Variants in PIGU observed in about 807,000 individuals in gnomAD.
The protein encoded by PIGU is GPI-anchor transamidase component PIGU.
In PIGU, 24 loss-of-function variants were observed where a neutral mutation model predicts 49.9. The observed-to-expected ratio is 0.48, with a 90% CI of 0.35 to 0.68. The LOEUF is 0.68. Ranked by LOEUF, PIGU falls within the 30% of genes least tolerant of loss-of-function variation. The pLI is 0.01. For missense variants in PIGU, 490 were observed against 532.6 expected (o/e 0.92, Z 0.79); for synonymous variants, 220 against 205.7 (o/e 1.07, Z -0.59).
At chr20:34,589,372 T>G (rs1336680267) in intron 7 of PIGU, among the ~76,000 whole-genome samples, 1 of 152,248 alleles carries the variant, frequency 6.6e-6, no homozygotes, top group Non-Finnish European at 1.5e-5. Context: ...TTCCTTTGTT[T>G]GAGACAGAGT....
intron 2 of PIGU, among the ~76,000 whole-genome samples, chr20:34,652,183 G>C (rs1312811119): frequency 6.6e-6 from 1 of 151,904 alleles, no homozygotes; most frequent in Non-Finnish European, 1.5e-5. Flanking sequence ...TTTCCCCCTG[G>C]GGGGAGAAAC....
intron 8 of PIGU, 83 bp downstream of exon 8, chr20:34,588,370 C>A: frequency 8.3e-7 from 1 of 1,211,826 alleles, no homozygotes. Flanking sequence ...AATGGCTGTA[C>A]TAATTTACAT....
chr20:34,634,684 A>G lies in PIGU; in HGVS notation c.460T>C (p.Cys154Arg), dbSNP rs929255270. Residue 154 changes from cysteine to arginine, a missense_variant, in exon 6 of 12, where the codon TGT becomes CGT. By Grantham distance (180) the Cys-to-Arg change is radical. Coordinates refer to ENST00000217446, the MANE Select transcript of PIGU (RefSeq NM_080476.5). The part of the protein sequence containing the change: ...YLLNPYTILS[C>R]VAKSTCAINN... ...ATGGCACAGGTAGACTTGGCAACAC[A>G]AGACAAAATCGTGTAAGGATTTAAG... The G allele has an allele frequency of 1.2e-6, 2 of 1,612,974 alleles. No individual in the cohort carries two copies. Among genetic ancestry groups the G allele is most frequent in the South Asian group, 1.1e-5 (1 of 91,076 alleles).
chr20:34,660,550 A>G (rs1361958991), intron 1 of PIGU, among the ~76,000 whole-genome samples: 1 of 152,184 alleles, frequency 6.6e-6, no homozygotes, highest in Non-Finnish European at 1.5e-5. Context: ...GTGCCACTGC[A>G]CTCCAGCCTG....
At chr20:34,634,844 C>T (rs1008920377) in intron 5 of PIGU, 129 bp from the exon 6 acceptor site, 12 of 1,414,924 alleles carry the variant, frequency 8.5e-6, no homozygotes, top group Non-Finnish European at 1.0e-5. Context: ...AAATGAGTTC[C>T]CCCAAATAAA....
intron 7 of PIGU, among the ~76,000 whole-genome samples, chr20:34,605,982 G>T (rs949417994): frequency 6.6e-6 from 1 of 151,982 alleles, no homozygotes; most frequent in African/African-American, 2.4e-5. Flanking sequence ...CCCAGCCGGC[G>T]CAGTGGCTCA....
intron 9 of PIGU, among the ~76,000 whole-genome samples, chr20:34,583,858 C>A (rs1983585395): frequency 6.6e-6 from 1 of 152,222 alleles, no homozygotes; most frequent in East Asian, 1.9e-4. Context: ...AGAATGGGAA[C>A]CACGTGCATT....
intron 2 of PIGU, among the ~76,000 whole-genome samples, chr20:34,651,062 T>C (rs1986528393): frequency 6.6e-6 from 1 of 152,162 alleles, no homozygotes. Context: ...TATGACAAAC[T>C]ACAGCAGCTT....
intron 7 of PIGU, among the ~76,000 whole-genome samples, chr20:34,607,836 A>C (rs2146733213): frequency 6.6e-6 from 1 of 152,234 alleles, no homozygotes. Context: ...GACTGGTCTT[A>C]AACTCCTGGG....
intron 6 of PIGU, among the ~76,000 whole-genome samples, chr20:34,619,388 A>C (rs2146744452): frequency 6.6e-6 from 1 of 152,348 alleles, no homozygotes; most frequent in Middle Eastern, 3.4e-3. Context: ...AGGGTGGGCT[A>C]GGGATTGATT....
intron 11 of PIGU, among the ~76,000 whole-genome samples, chr20:34,573,384 A>G (rs1983092106): frequency 6.6e-6 from 1 of 152,150 alleles, no homozygotes; most frequent in African/African-American, 2.4e-5. Context: ...TCCTGCCTTC[A>G]ATGGCACCTG....
chr20:34,617,534 G>A (rs1279515614), intron 6 of PIGU, among the ~76,000 whole-genome samples: 1 of 152,208 alleles, frequency 6.6e-6, no homozygotes, highest in Admixed American at 6.5e-5. Context: ...ATTTGTAACG[G>A]ATGTATTTAC....
chr20:34,560,995 G>C lies in PIGU; in HGVS notation c.1195-16C>G. On this transcript the variant is annotated splice_polypyrimidine_tract_variant and intron_variant, in intron 11 of 11. Transcript: ENST00000217446. The stretch of plus-strand genomic sequence containing the variant: ...TGAGCAGGATCTGGGGGGAGAGAGA[G>C]GGTGTGAGGCGCTGCTGGGTACCTC... 6.4e-7 allele frequency: 1 copy of C among 1,561,332 alleles called. No homozygotes were observed. The highest frequency in any genetic ancestry group is 8.8e-7 in the Non-Finnish European group (1 of 1,134,668).
At chr20:34,619,134 T>C (rs1282493798) in intron 6 of PIGU, among the ~76,000 whole-genome samples, 1 of 152,108 alleles carries the variant, frequency 6.6e-6, no homozygotes, top group African/African-American at 2.4e-5. Flanking sequence ...CTAGAAGTAA[T>C]AGGACAGAAT....
intron 1 of PIGU, among the ~76,000 whole-genome samples, chr20:34,663,070 G>C (rs1986977139): frequency 6.6e-6 from 1 of 152,026 alleles, no homozygotes; most frequent in Non-Finnish European, 1.5e-5. Flanking sequence ...ACTACACCCA[G>C]CTAAATTTTT....
chr20:34,671,224 C>T (rs1019108078), intron 1 of PIGU, among the ~76,000 whole-genome samples: 1 of 152,108 alleles, frequency 6.6e-6, no homozygotes, highest in Non-Finnish European at 1.5e-5. Context: ...CAATACCAGG[C>T]ATGTAAAAAG....
chr20:34,673,753 C>G (rs1369390801), intron 1 of PIGU, among the ~76,000 whole-genome samples: 3 of 152,136 alleles, frequency 2.0e-5, no homozygotes, highest in Non-Finnish European at 4.4e-5. Context: ...GAAACACTGA[C>G]GTTAGAATTC....
intron 7 of PIGU, among the ~76,000 whole-genome samples, chr20:34,606,901 C>T (rs539230807): frequency 6.6e-6 from 1 of 152,258 alleles, no homozygotes; most frequent in South Asian, 2.1e-4. Context: ...GCTGGGATTA[C>T]AGGCACCCAC....
chr20:34,636,370 C>T (rs6058094), intron 5 of PIGU, among the ~76,000 whole-genome samples: 62,774 of 151,628 alleles, frequency 0.41, 13,547 homozygotes, highest in Non-Finnish European at 0.46. Flanking sequence ...TGGTGAAACC[C>T]CGTCTCTGCT....
Sources: gnomAD v4.1 joint callset for allele counts (sites outside exome capture counted in the v4.1 genomes callset) on GRCh38, gnomAD v4.1.1 for gene constraint, MANE v1.5 for transcripts, NCBI Gene and HGNC (gene_info 2026-07-23, HGNC 2026-07-21) for gene names.